Variants in RFC5 observed in about 807,000 individuals in gnomAD.
The protein encoded by RFC5 is A1 36 kDa subunit.
In RFC5, 26 loss-of-function variants were observed where a neutral mutation model predicts 44.3. The ratio of observed to expected loss-of-function variants is 0.59; its 90% confidence interval spans 0.43 to 0.81. The LOEUF (loss-of-function observed/expected upper bound fraction) is 0.81. Among genes scored for constraint, RFC5 ranks in the 40% least tolerant of loss-of-function variants. RFC5 has a pLI of 0.00. For synonymous variants in RFC5, 155 were observed against 155.2 expected, an observed-to-expected ratio of 1.00 and a Z score of 0.01; for missense variants, 328 against 418.6, an observed-to-expected ratio of 0.78 and a Z score of 1.89.
At chr12:118,022,173 G>A (rs1328704894) in intron 4 of RFC5, 113 bp from the exon 5 acceptor site, 6 of 825,340 alleles carry the variant, frequency 7.3e-6, no homozygotes, top group Non-Finnish European at 8.2e-6. Flanking sequence ...AGTTCTAGAA[G>A]AAATTGTCTT....
At chr12:118,020,440 G>A (rs1379640228) in intron 3 of RFC5, among the ~76,000 whole-genome samples, 2 of 152,202 alleles carry the variant, frequency 1.3e-5, no homozygotes, top group African/African-American at 2.4e-5. Context: ...TATGCCATCT[G>A]TATATTGCTG....
At chr12:118,039,378 A>G in the RFC5 span, among the ~76,000 whole-genome samples, 1 of 152,230 alleles carries the variant, frequency 6.6e-6, no homozygotes, top group African/African-American at 2.4e-5. Flanking sequence ...AATTAGAGAG[A>G]GATTTTCCAT....
downstream of RFC5, chr12:118,034,583 G>GCTCTCTCTCTC (rs1555267406): frequency 2.8e-5 from 15 of 538,124 alleles, no homozygotes; most frequent in Admixed American, 2.7e-4. Flanking sequence ...CGCTCTCTCT[G>GCTCTCTCTCTC]TCTCTCTCTC....
intron 5 of RFC5, among the ~76,000 whole-genome samples, chr12:118,024,578 A>AC (rs977578858): frequency 1.3e-5 from 2 of 151,934 alleles, no homozygotes; most frequent in Non-Finnish European, 2.9e-5. Flanking sequence ...GGCATGTGCC[A>AC]CCACACCTGG....
chr12:118,027,817 T>C (rs2031055801), intron 8 of RFC5, 136 bp from the exon 9 acceptor site: 1 of 608,472 alleles, frequency 1.6e-6, no homozygotes, highest in African/African-American at 1.8e-5. Context: ...ACGTGCAGCT[T>C]CAAGTTGAAA....
the RFC5 span, chr12:118,038,421 T>A: frequency 6.2e-7 from 1 of 1,602,434 alleles, no homozygotes; most frequent in East Asian, 2.2e-5. Flanking sequence ...AATGAGCCAG[T>A]CCTCAACAAA....
the RFC5 span, among the ~76,000 whole-genome samples, chr12:118,039,730 A>T: frequency 1.3e-5 from 2 of 152,080 alleles, 1 homozygote; most frequent in Admixed American, 1.3e-4. Flanking sequence ...CACAAAAATT[A>T]ATATTTCTTT....
Position 118,024,757 on chromosome 12 carries a change from T to C in RFC5, c.422-94T>C, listed in dbSNP as rs889895653. 3 of 1,054,878 alleles carry C rather than the reference T, an allele frequency of 2.8e-6. No homozygotes were observed. The African/African-American group carries it at 4.8e-5, about 17-fold the overall frequency. 65.3% of individuals were successfully genotyped at this position (1,054,878 alleles called of 1,614,324 possible). On this transcript the variant is annotated intron_variant, in intron 5 of 10. Transcript: ENST00000454402. ...GTTTGCAGTATTGAATCTTTTCCTA[T>C]ACCCTTGTGACCACAGAAAAATTCA...
chr12:118,026,785 G>A, intron 7 of RFC5, 104 bp from the exon 8 acceptor site: 1 of 1,292,718 alleles, frequency 7.7e-7, no homozygotes, highest in Admixed American at 1.9e-5. Flanking sequence ...GAACTTTGCT[G>A]CTCACCTGCA....
Position 118,016,737 on chromosome 12 carries a change from G to A in RFC5, c.-91G>A. 9.6e-7 allele frequency: 1 copy of A among 1,045,968 alleles called. No homozygotes were observed. The highest frequency in any genetic ancestry group is 1.4e-5 in the South Asian group (1 of 73,300). 64.8% of individuals were successfully genotyped at this position (1,045,968 alleles called of 1,614,324 possible). On this transcript the variant is annotated 5_prime_UTR_variant, in exon 1 of 11. Coordinates refer to ENST00000454402, the MANE Select transcript of RFC5 (RefSeq NM_007370.7). ...TTTTGCGCGCGAACTGTAAGTGCCA[G>A]GGTCTCAGGGTCAGGTCGCGGCTGG...
At chr12:118,037,679 A>G (rs1003644721), downstream of RFC5, among the ~76,000 whole-genome samples, 7 of 149,240 alleles carry the variant, frequency 4.7e-5, no homozygotes, top group African/African-American at 1.7e-4. Context: ...AAAAAAAAAA[A>G]AAAGAAAAGA....
downstream of RFC5, chr12:118,036,221 T>G: frequency 7.8e-7 from 1 of 1,285,242 alleles, no homozygotes; most frequent in East Asian, 2.4e-5. Context: ...CCACTGTGCC[T>G]TTTTATCCAG....
At chr12:118,037,213 C>T (rs377707762), downstream of RFC5, among the ~76,000 whole-genome samples, 12 of 151,802 alleles carry the variant, frequency 7.9e-5, no homozygotes, top group South Asian at 2.1e-4. Flanking sequence ...GTGAAATCTG[C>T]GGCCACCCCA....
chr12:118,032,312 G>A (rs192572993), downstream of RFC5: 4 of 152,262 alleles, frequency 2.6e-5, no homozygotes, highest in Admixed American at 2.0e-4. Flanking sequence ...CCCCCTTAAG[G>A]ACAGCGGCAA....
At chr12:118,039,400 A>G in the RFC5 span, among the ~76,000 whole-genome samples, 28 of 152,372 alleles carry the variant, frequency 1.8e-4, no homozygotes, top group African/African-American at 6.5e-4. Flanking sequence ...GGGTACCTAC[A>G]GTTTAATGAA....
chr12:118,040,564 C>T, the RFC5 span, among the ~76,000 whole-genome samples: 1 of 151,700 alleles, frequency 6.6e-6, no homozygotes, highest in Non-Finnish European at 1.5e-5. Context: ...AGTGCAAGAC[C>T]AGCCTGACCT....
intron 7 of RFC5, among the ~76,000 whole-genome samples, chr12:118,026,556 G>T (rs1271745652): frequency 6.6e-6 from 1 of 152,186 alleles, no homozygotes; most frequent in African/African-American, 2.4e-5. Flanking sequence ...CCATGATCAT[G>T]CCACTGCACT....
chr12:118,024,079 A>G (rs1036228056), intron 5 of RFC5, among the ~76,000 whole-genome samples: 5 of 152,024 alleles, frequency 3.3e-5, no homozygotes, highest in Non-Finnish European at 1.5e-5. Context: ...GGCCTGGCAC[A>G]GTGGCTCATG....
the RFC5 span, among the ~76,000 whole-genome samples, chr12:118,040,654 CAAA>C: frequency 5.0e-5 from 6 of 119,988 alleles, no homozygotes; most frequent in Admixed American, 1.7e-4. Flanking sequence ...GGCTCTGTCT[CAAA>C]AAAAAAAAAA....
Sources: allele counts gnomAD v4.1 joint callset (sites outside exome capture counted in the v4.1 genomes callset), GRCh38; gene constraint gnomAD v4.1.1; transcripts MANE v1.5; gene names NCBI Gene and HGNC (gene_info 2026-07-23, HGNC 2026-07-21).